The following RBFOX1 variants were observed in gnomAD, a reference collection of about 807,000 sequenced individuals.
RBFOX1 encodes RNA binding fox-1 homolog 1, also known as RNA binding protein fox-1 homolog 1.
In RBFOX1, 8 loss-of-function variants were observed where a neutral mutation model predicts 57.7. That is an observed-to-expected ratio of 0.14 (90% CI 0.08 to 0.25). The LOEUF is 0.25. Among genes scored for constraint, RBFOX1 ranks in the 10% least tolerant of loss-of-function variants. The probability of loss-of-function intolerance (pLI) is 1.00; values close to 1 mark genes in which losing one functional copy is unlikely to be tolerated. For synonymous variants in RBFOX1, 326 were observed against 222.4 expected, an observed-to-expected ratio of 1.47 and a Z score of -4.15; for missense variants, 611 against 548.5, an observed-to-expected ratio of 1.11 and a Z score of -1.14.
At chr16:7,340,434 C>T (rs74010639) in intron 4 of RBFOX1, among the ~76,000 whole-genome samples, 33,297 of 152,130 alleles carry the variant, frequency 0.22, 3,854 homozygotes, top group African/African-American at 0.27. Context: ...TTGCCAAAGG[C>T]AGGGATGGCT....
chr16:7,173,560 C>T (rs1421635207), intron 4 of RBFOX1, among the ~76,000 whole-genome samples: 1 of 151,974 alleles, frequency 6.6e-6, no homozygotes. Context: ...CAGCATTTGT[C>T]ATCTCAATTA....
intron 1 of RBFOX1, among the ~76,000 whole-genome samples, chr16:5,278,317 A>G (rs1026193158): frequency 1.3e-5 from 2 of 152,004 alleles, no homozygotes; most frequent in Non-Finnish European, 2.9e-5. Context: ...AGTAATGTCT[A>G]TTTTTTGATA....
chr16:7,309,261 C>G (rs993812902), intron 4 of RBFOX1, among the ~76,000 whole-genome samples: 2 of 152,190 alleles, frequency 1.3e-5, no homozygotes, highest in African/African-American at 4.8e-5. Flanking sequence ...CAGGTAAGGC[C>G]CACATTTCAG....
chr16:5,995,319 G>T (rs756498461), intron 4 of RBFOX1, among the ~76,000 whole-genome samples: 4 of 152,108 alleles, frequency 2.6e-5, no homozygotes, highest in African/African-American at 4.8e-5. Flanking sequence ...TCCACATATT[G>T]TCTTGAAATA....
chr16:5,792,325 A>G (rs538020459), intron 3 of RBFOX1, among the ~76,000 whole-genome samples: 2 of 152,308 alleles, frequency 1.3e-5, no homozygotes, highest in Admixed American at 1.3e-4. Context: ...TCACAGCTAC[A>G]TATACAGTTG....
Position 6,063,838 on chromosome 16 carries a change from C to T in RBFOX1, c.-127+43846C>T, listed in dbSNP as rs1442932125. ...CACTGGGATGTAGATGCTTGACAGC[C>T]TCCTTGTCCTTAAGTTGTCTGTCTT... is the stretch of plus-strand genomic sequence containing the variant. On this transcript the variant is annotated intron_variant, in intron 1 of 15. Coordinates refer to ENST00000550418, the MANE Select transcript of RBFOX1 (RefSeq NM_018723.4). 3.9e-5 allele frequency among the ~76,000 whole-genome samples: 6 copies of T among 152,144 alleles called. No individual in the cohort carries two copies. The East Asian group carries it at 9.7e-4, about 24-fold the overall frequency.
intron 9 of RBFOX1, among the ~76,000 whole-genome samples, chr16:7,600,317 C>T (rs753723308): frequency 1.3e-5 from 2 of 152,160 alleles, no homozygotes; most frequent in Non-Finnish European, 2.9e-5. Context: ...AAGACTTTGG[C>T]TTCTGTAGTG....
intron 2 of RBFOX1, among the ~76,000 whole-genome samples, chr16:6,406,861 A>G (rs539609055): frequency 1.3e-5 from 2 of 152,300 alleles, no homozygotes; most frequent in African/African-American, 2.4e-5. Context: ...CCATGGCTTG[A>G]AATGAACAGT....
chr16:5,984,970 ATATATATTTTT>A (rs1198271807), intron 4 of RBFOX1, among the ~76,000 whole-genome samples: 34 of 53,182 alleles, frequency 6.4e-4, no homozygotes, highest in South Asian at 3.5e-3. Context: ...ATATATATAT[ATATATATTTTT>A]TTTTTTTTTT....
At chr16:5,462,717 G>C (rs531773322) in intron 1 of RBFOX1, among the ~76,000 whole-genome samples, 2 of 152,258 alleles carry the variant, frequency 1.3e-5, no homozygotes, top group Admixed American at 6.5e-5. Context: ...GAAGGAATTG[G>C]TGTCTCCACA....
Position 7,579,779 on chromosome 16 carries a change from G to T in RBFOX1, c.273G>T (p.Gln91His). 1 of 1,614,044 alleles carries T rather than the reference G, an allele frequency of 6.2e-7. No homozygotes were observed. Among genetic ancestry groups the T allele is most frequent in the Non-Finnish European group, 8.5e-7 (1 of 1,179,966 alleles). The part of the protein sequence containing the change: ...SAQTVSGTAT[Q>H]TDDAAPTDGQ... ...TCGGTTTCTTCTTGTTCTTTTAGCA[G>T]ACAGATGACGCAGCACCGACGGATG... Residue 91 changes from glutamine (Q) to histidine (H), a missense_variant and splice_region_variant, in exon 6 of 16, where the codon CAG (glutamine) becomes CAT (histidine). Transcript: ENST00000550418.
chr16:7,429,192 G>A (rs528107906), intron 4 of RBFOX1, among the ~76,000 whole-genome samples: 1 of 152,218 alleles, frequency 6.6e-6, no homozygotes, highest in East Asian at 1.9e-4. Context: ...CAAGTGGAGG[G>A]GACATCTACT....
intron 3 of RBFOX1, among the ~76,000 whole-genome samples, chr16:5,724,707 G>C (rs1438353968): frequency 2.0e-5 from 3 of 152,150 alleles, no homozygotes; most frequent in Non-Finnish European, 4.4e-5. Context: ...GCCCAGATGG[G>C]AAGTAAGGTA....
intron 1 of RBFOX1, among the ~76,000 whole-genome samples, chr16:5,353,068 C>G (rs955975395): frequency 6.6e-6 from 1 of 152,082 alleles, no homozygotes; most frequent in Non-Finnish European, 1.5e-5. Flanking sequence ...TTAGGTTTCA[C>G]ATTTTTAAAG....
At chr16:6,100,273 C>A (rs1182450125) in intron 1 of RBFOX1, among the ~76,000 whole-genome samples, 3 of 152,168 alleles carry the variant, frequency 2.0e-5, no homozygotes, top group African/African-American at 7.2e-5. Flanking sequence ...CGCCATTCTC[C>A]TGCCTCAGCC....
intron 4 of RBFOX1, among the ~76,000 whole-genome samples, chr16:7,460,977 A>T (rs2059480033): frequency 6.6e-6 from 1 of 152,146 alleles, no homozygotes; most frequent in African/African-American, 2.4e-5. Flanking sequence ...TCTCCTTGAC[A>T]TTGTGGAGAA....
intron 4 of RBFOX1, among the ~76,000 whole-genome samples, chr16:7,297,534 C>G (rs999193640): frequency 4.6e-5 from 7 of 152,078 alleles, no homozygotes; most frequent in African/African-American, 1.7e-4. Context: ...GTAGCTTAGT[C>G]CATTCCCTTT....
chr16:6,147,899 A>T (rs192732084), intron 1 of RBFOX1, among the ~76,000 whole-genome samples: 1 of 152,208 alleles, frequency 6.6e-6, no homozygotes, highest in Non-Finnish European at 1.5e-5. Flanking sequence ...ACTTCTAGTC[A>T]TCTCCATTGC....
At chr16:6,450,380 G>T (rs1489002308) in intron 2 of RBFOX1, among the ~76,000 whole-genome samples, 1 of 151,976 alleles carries the variant, frequency 6.6e-6, no homozygotes, top group Admixed American at 6.6e-5. Flanking sequence ...ACCTCCGTTT[G>T]CTCCAGCCTT....
Sources: allele counts gnomAD v4.1 joint callset (sites outside exome capture counted in the v4.1 genomes callset), GRCh38; gene constraint gnomAD v4.1.1; transcripts MANE v1.5; gene names NCBI Gene and HGNC (gene_info 2026-07-23, HGNC 2026-07-21).